Variants in UNC13B observed in about 807,000 individuals in gnomAD.
UNC13B encodes the protein unc-13 homolog B, also known as protein unc-13 homolog B.
In UNC13B, 144 loss-of-function variants were observed where a neutral mutation model predicts 211.0. That is an observed-to-expected ratio of 0.68 (90% confidence interval 0.60 to 0.78). UNC13B has a LOEUF of 0.78. Ranked by LOEUF, UNC13B falls within the 30% of genes least tolerant of loss-of-function variation. UNC13B has a pLI of 0.00. For missense variants in UNC13B, 1,777 were observed against 2,002.0 expected, an observed-to-expected ratio of 0.89 and a Z score of 2.14; for synonymous variants, 709 against 725.8, an observed-to-expected ratio of 0.98 and a Z score of 0.37.
At chr9:35,341,477 A>G (rs895685261) in intron 11 of UNC13B, among the ~76,000 whole-genome samples, 2 of 152,164 alleles carry the variant, frequency 1.3e-5, no homozygotes, top group African/African-American at 4.8e-5. Context: ...AGTAGAAGGG[A>G]AGACTCCCTT....
At chr9:35,228,216 T>C (rs1033481839) in intron 2 of UNC13B, among the ~76,000 whole-genome samples, 172 bp downstream of exon 2, 35 of 152,332 alleles carry the variant, frequency 2.3e-4, no homozygotes, top group African/African-American at 8.4e-4. Context: ...ACCTCTTGGC[T>C]AACCCAATTC....
chr9:35,396,853 G>A lies in UNC13B; in HGVS notation c.11448G>A (p.Gln3816=), dbSNP rs761748704. The part of the protein sequence containing the change: ...QVPEYPAWFE[Q]FVLQWLDENE... Reference sequence around the variant, plus strand: ...GCTGTGGCTGCAGGTGGTTTGAGCAGTTCGTGCTACAATGGCTGGATGAGA... The same window carrying A: ...GCTGTGGCTGCAGGTGGTTTGAGCAATTCGTGCTACAATGGCTGGATGAGA... The change falls in exon 28 of 40, where the codon CAG becomes CAA. Residue 3816 remains glutamine, a synonymous_variant. Coordinates refer to ENST00000635942, the MANE Select transcript of UNC13B (RefSeq NM_001371189.2). The A allele has an allele frequency of 5.6e-6, 9 of 1,614,210 alleles. No individual in the cohort carries two copies. Among genetic ancestry groups the A allele is most frequent in the Admixed American group, 1.7e-5 (1 of 60,034 alleles).
intron 1 of UNC13B, among the ~76,000 whole-genome samples, chr9:35,204,474 C>T (rs926623716): frequency 4.6e-5 from 7 of 152,310 alleles, no homozygotes; most frequent in East Asian, 1.9e-4. Flanking sequence ...AGGCACTCAA[C>T]GCCAGCCTGT....
chr9:35,342,136 AAT>A (rs1383345190), intron 11 of UNC13B: 19 of 985,172 alleles, frequency 1.9e-5, no homozygotes, highest in Non-Finnish European at 2.2e-5. Flanking sequence ...TGCAACTGAG[AAT>A]ATTAGCTCCT....
At chr9:35,312,067 C>T (rs1158910084) in intron 10 of UNC13B, among the ~76,000 whole-genome samples, 3 of 152,194 alleles carry the variant, frequency 2.0e-5, no homozygotes, top group African/African-American at 7.2e-5. Context: ...GCAATCCTTG[C>T]AACCCTCAGT....
chr9:35,246,502 T>C (rs1285668371), intron 6 of UNC13B, among the ~76,000 whole-genome samples: 4 of 152,368 alleles, frequency 2.6e-5, no homozygotes, highest in Non-Finnish European at 4.4e-5. Context: ...TTTAAGTCTT[T>C]AATCCATCTT....
intron 8 of UNC13B, among the ~76,000 whole-genome samples, chr9:35,297,996 G>A (rs1829481436): frequency 6.6e-6 from 1 of 152,170 alleles, no homozygotes; most frequent in Admixed American, 6.5e-5. Flanking sequence ...TCAATACTCT[G>A]TTTCCCCAAT....
intron 8 of UNC13B, among the ~76,000 whole-genome samples, chr9:35,298,114 T>C (rs1829489049): frequency 6.6e-6 from 1 of 152,210 alleles, no homozygotes; most frequent in Non-Finnish European, 1.5e-5. Context: ...CTTATCCTTT[T>C]AGTTTCTAAA....
At chr9:35,316,032 T>A (rs1430944125) in intron 11 of UNC13B, among the ~76,000 whole-genome samples, 2 of 152,210 alleles carry the variant, frequency 1.3e-5, no homozygotes, top group Non-Finnish European at 2.9e-5. Flanking sequence ...TTCTCCACTG[T>A]CAAGGTACCA....
chr9:35,346,785 C>T (rs763935283), intron 11 of UNC13B, among the ~76,000 whole-genome samples: 1 of 152,100 alleles, frequency 6.6e-6, no homozygotes, highest in Non-Finnish European at 1.5e-5. Flanking sequence ...AAGGAAACTC[C>T]AAGGCTAGGT....
At chr9:35,261,495 G>A (rs1827270047) in intron 7 of UNC13B, among the ~76,000 whole-genome samples, 1 of 150,938 alleles carries the variant, frequency 6.6e-6, no homozygotes, top group Non-Finnish European at 1.5e-5. Flanking sequence ...AATTTTTATG[G>A]GTACATAGTA....
chr9:35,210,074 TAA>T (rs1055628183), intron 1 of UNC13B, among the ~76,000 whole-genome samples: 1 of 150,684 alleles, frequency 6.6e-6, no homozygotes, highest in South Asian at 2.1e-4. Flanking sequence ...ACCCAGTTAC[TAA>T]AAAAAAAATT....
At chr9:35,358,393 G>T (rs1244757967) in intron 11 of UNC13B, among the ~76,000 whole-genome samples, 2 of 152,130 alleles carry the variant, frequency 1.3e-5, no homozygotes, top group African/African-American at 4.8e-5. Context: ...CATGGTGGCT[G>T]CACCGTTTTA....
At chr9:35,262,734 C>A (rs1827351679) in intron 7 of UNC13B, among the ~76,000 whole-genome samples, 1 of 152,032 alleles carries the variant, frequency 6.6e-6, no homozygotes, top group South Asian at 2.1e-4. Flanking sequence ...AGTTCTAGAC[C>A]AATCCGGGCA....
chr9:35,263,175 C>T (rs1178824305), intron 7 of UNC13B, among the ~76,000 whole-genome samples: 1 of 151,834 alleles, frequency 6.6e-6, no homozygotes, highest in Non-Finnish European at 1.5e-5. Flanking sequence ...TCACAGCAGA[C>T]AAAGATATAT....
intron 7 of UNC13B, among the ~76,000 whole-genome samples, chr9:35,281,396 T>G: frequency 1.5e-5 from 2 of 137,294 alleles, no homozygotes; most frequent in Admixed American, 7.6e-5. Flanking sequence ...AGCCTGGGAG[T>G]GAGAGACTGT....
intron 1 of UNC13B, among the ~76,000 whole-genome samples, chr9:35,166,401 A>G (rs999809997): frequency 6.6e-6 from 1 of 152,186 alleles, no homozygotes; most frequent in Non-Finnish European, 1.5e-5. Context: ...TGTGTATGGT[A>G]ATACATTGCT....
intron 7 of UNC13B, among the ~76,000 whole-genome samples, chr9:35,269,084 T>C (rs550682245): frequency 2.6e-5 from 4 of 152,292 alleles, no homozygotes; most frequent in African/African-American, 9.6e-5. Context: ...GTGGAGTTAG[T>C]GCAGACCCTA....
intron 1 of UNC13B, among the ~76,000 whole-genome samples, chr9:35,225,304 G>A (rs1031590258): frequency 2.6e-5 from 4 of 152,028 alleles, no homozygotes; most frequent in African/African-American, 9.7e-5. Context: ...AGGATGACAG[G>A]CATGTGCCAC....
Sources: gnomAD v4.1 joint callset for allele counts (sites outside exome capture counted in the v4.1 genomes callset) on GRCh38, gnomAD v4.1.1 for gene constraint, MANE v1.5 for transcripts, NCBI Gene and HGNC (gene_info 2026-07-23, HGNC 2026-07-21) for gene names.